Variants in COL24A1 observed in about 807,000 individuals in gnomAD.
COL24A1 encodes collagen type XXIV alpha 1 chain.
COL24A1 carries 224 observed loss-of-function variants against 253.9 expected under a neutral mutation model. That is an observed-to-expected ratio of 0.88 (90% CI 0.79 to 0.99). The LOEUF (loss-of-function observed/expected upper bound fraction) is 0.99, where lower values mean the gene tolerates loss of function less well. COL24A1 is among the 50% of genes least tolerant of loss of function. COL24A1 has a pLI of 0.00. For synonymous variants in COL24A1, 685 were observed against 673.7 expected, an observed-to-expected ratio of 1.02 and a Z score of -0.26; for missense variants, 2,131 against 2,068.5, an observed-to-expected ratio of 1.03 and a Z score of -0.59.
intron 11 of COL24A1, among the ~76,000 whole-genome samples, chr1:86,048,222 T>C (rs777627110): frequency 3.3e-5 from 5 of 152,216 alleles, no homozygotes; most frequent in Admixed American, 2.0e-4. Context: ...TGTGTACATA[T>C]GTGTATACAC....
intron 7 of COL24A1, 143 bp from the exon 8 acceptor site, chr1:86,063,902 T>C: frequency 2.6e-6 from 1 of 383,436 alleles, no homozygotes. Context: ...TTATTTCTTA[T>C]TAAATTTAAT....
At chr1:85,759,573 G>T (rs563979733) in intron 55 of COL24A1, among the ~76,000 whole-genome samples, 5 of 152,132 alleles carry the variant, frequency 3.3e-5, no homozygotes, top group African/African-American at 1.2e-4. Context: ...TTTTCATATT[G>T]GCCAAGAAGG....
intron 43 of COL24A1, among the ~76,000 whole-genome samples, chr1:85,827,410 G>C (rs566753822): frequency 4.0e-5 from 6 of 151,306 alleles, no homozygotes; most frequent in African/African-American, 1.5e-4. Context: ...GTCTCTGCCC[G>C]GCTTTGGTAT....
At chr1:85,812,714 T>C (rs1672669493) in intron 47 of COL24A1, among the ~76,000 whole-genome samples, 1 of 152,232 alleles carries the variant, frequency 6.6e-6, no homozygotes, top group Admixed American at 6.5e-5. Context: ...GCATCCTCTA[T>C]AGAGTAGGTT....
intron 7 of COL24A1, among the ~76,000 whole-genome samples, chr1:86,064,863 C>T (rs535300336): frequency 2.0e-5 from 3 of 152,230 alleles, no homozygotes; most frequent in African/African-American, 4.8e-5. Flanking sequence ...ACAGCTTTTG[C>T]GATGTTAAAC....
intron 53 of COL24A1, among the ~76,000 whole-genome samples, chr1:85,763,522 C>T (rs1466842624): frequency 2.7e-4 from 28 of 102,760 alleles, no homozygotes; most frequent in East Asian, 8.8e-4. Context: ...GACGTAGTTT[C>T]GCTCTGTTTC....
Position 85,895,849 on chromosome 1 carries a change from ATTAC to A in COL24A1, c.2922+5_2922+8del, listed in dbSNP as rs1683636176. The A allele has an allele frequency of 3.7e-6, 6 of 1,602,394 alleles. No homozygotes were observed. In the South Asian group the frequency reaches 4.5e-5, roughly 12 times the overall value. ...AATTTTTCATAGCATGATTTTTTAA[ATTAC>A]TTACTGGTTTCCCTTGAAATCCTCT... On this transcript the variant is annotated splice_donor_5th_base_variant and intron_variant, in intron 31 of 59. Coordinates refer to ENST00000370571, the MANE Select transcript of COL24A1 (RefSeq NM_152890.7).
chr1:85,933,532 AG>A (rs1322434668), intron 24 of COL24A1, among the ~76,000 whole-genome samples: 23 of 152,188 alleles, frequency 1.5e-4, no homozygotes, highest in Non-Finnish European at 1.9e-4. Flanking sequence ...TGCTCCATCC[AG>A]GGAAGGCATG....
In COL24A1 at chr1:85,774,094, T is replaced by C. The variant is rs982289559; in HGVS notation, c.4374+1580A>G. Among the ~76,000 whole-genome samples, 5 of 152,206 alleles carry C rather than the reference T, an allele frequency of 3.3e-5. No homozygotes were observed. In the South Asian group the frequency reaches 1.0e-3, roughly 31 times the overall value. On this transcript the variant is annotated intron_variant, in intron 53 of 59. Transcript: ENST00000370571. ...TTTGGCATGAAAGGCTGTTGAATTT[T>C]GTCGAAGGCATTTTCTGCATCTATT... is the stretch of plus-strand genomic sequence containing the variant.
chr1:86,003,635 A>G (rs376631739), intron 19 of COL24A1, among the ~76,000 whole-genome samples: 6 of 152,316 alleles, frequency 3.9e-5, no homozygotes, highest in African/African-American at 1.4e-4. Context: ...AACAGAGAAG[A>G]AAAAAGTCAT....
rs1423659432 is a variant in COL24A1 at position 85,963,962 on chromosome 1, T to C, written c.2517+1047A>G. ...TTTTCAGAGGACTTTTATATGTAAC[T>C]TGAGAAAGAGTCAGGTACACATATT... On this transcript the variant is annotated intron_variant, in intron 23 of 59. Transcript: ENST00000370571. Among the ~76,000 whole-genome samples, 4 of 152,028 alleles carry C rather than the reference T, an allele frequency of 2.6e-5. No homozygotes were observed. In the East Asian group the frequency reaches 7.7e-4, roughly 29 times the overall value.
chr1:86,153,218 C>A, intron 1 of COL24A1, among the ~76,000 whole-genome samples: 1 of 149,782 alleles, frequency 6.7e-6, no homozygotes, highest in African/African-American at 2.5e-5. Flanking sequence ...CCCCTACCCA[C>A]CCACCCAAGA....
At chr1:86,051,004 T>A (rs184837217) in intron 10 of COL24A1, among the ~76,000 whole-genome samples, 51 of 152,216 alleles carry the variant, frequency 3.4e-4, no homozygotes, top group African/African-American at 1.1e-3. Flanking sequence ...TGGAAGCTAC[T>A]GATTTTAGGG....
chr1:85,833,060 G>A (rs1158003564), intron 43 of COL24A1, among the ~76,000 whole-genome samples: 2 of 151,946 alleles, frequency 1.3e-5, no homozygotes. Flanking sequence ...ACTGGCTGTG[G>A]GTTTGTCATA....
Position 86,125,443 on chromosome 1 carries a change from G to C in COL24A1, c.893C>G (p.Ser298Cys). Residue 298 changes from serine (S) to cysteine (C), a missense_variant, in exon 3 of 60, where the codon TCT (serine) becomes TGT (cysteine). Coordinates refer to ENST00000370571, the MANE Select transcript of COL24A1 (RefSeq NM_152890.7). ...TTCTTGTCTTTTATACACGGTTTCA[G>C]AATCATTTTTTATGATATTTGGAAT... ...KSIPNIIKND[S>C]ETVYKRQEHQ... The C allele has an allele frequency of 6.2e-7, 1 of 1,613,534 alleles. No individual in the cohort carries two copies. Among genetic ancestry groups the C allele is most frequent in the Non-Finnish European group, 8.5e-7 (1 of 1,179,754 alleles).
chr1:85,736,081 A>T (rs1411697508), intron 58 of COL24A1: 1 of 267,152 alleles, frequency 3.7e-6, no homozygotes, highest in African/African-American at 2.2e-5. Context: ...CTTGTCAGTA[A>T]ATTCGGGTAT....
At chr1:86,099,835 G>A (rs1333923223) in intron 5 of COL24A1, among the ~76,000 whole-genome samples, 1 of 152,036 alleles carries the variant, frequency 6.6e-6, no homozygotes, top group African/African-American at 2.4e-5. Flanking sequence ...ATGACAGCCA[G>A]AAGTATCCTA....
At chr1:85,918,073 T>C (rs1368524118) in intron 24 of COL24A1, among the ~76,000 whole-genome samples, 3 of 152,112 alleles carry the variant, frequency 2.0e-5, no homozygotes, top group South Asian at 2.1e-4. Flanking sequence ...ATTTTTGATA[T>C]CTTTCATTGA....
At chr1:85,924,400 A>G (rs1221569792) in intron 24 of COL24A1, among the ~76,000 whole-genome samples, 3 of 152,244 alleles carry the variant, frequency 2.0e-5, no homozygotes, top group Non-Finnish European at 4.4e-5. Flanking sequence ...TCCCTGATGA[A>G]CATTGATGCA....
Sources: gnomAD v4.1 joint callset for allele counts (sites outside exome capture counted in the v4.1 genomes callset) on GRCh38, gnomAD v4.1.1 for gene constraint, MANE v1.5 for transcripts, NCBI Gene and HGNC (gene_info 2026-07-23, HGNC 2026-07-21) for gene names.